Variants in SP4 observed in about 807,000 individuals in gnomAD.
The protein encoded by SP4 is Sp4 transcription factor.
SP4 carries 19 observed loss-of-function variants against 72.8 expected under a neutral mutation model. The ratio of observed to expected loss-of-function variants is 0.26; its 90% CI spans 0.18 to 0.38. SP4 has a LOEUF of 0.38. Ranked by LOEUF, SP4 falls within the 10% of genes least tolerant of loss-of-function variation. The pLI is 1.00. For synonymous variants in SP4, 395 were observed against 333.1 expected, an observed-to-expected ratio of 1.19 and a Z score of -2.02; for missense variants, 1,008 against 926.3, an observed-to-expected ratio of 1.09 and a Z score of -1.14.
chr7:21,429,624 C>A lies in SP4; in HGVS notation c.459C>A (p.Val153=). ...CTTCCACCCCTGGTCAATTTCAAGT[C>A]ATACAAGTACAAAATCCAAGTGGTA... ...GNSSTPGQFQ[V]IQVQNPSGSV... The change falls in exon 3 of 6, where the codon GTC becomes GTA. Residue 153 remains valine, a synonymous_variant. Coordinates refer to ENST00000222584, the MANE Select transcript of SP4 (RefSeq NM_003112.5). 3 of 1,614,062 alleles carry A rather than the reference C, an allele frequency of 1.9e-6. No homozygotes were observed. Among genetic ancestry groups the A allele is most frequent in the South Asian group, 1.1e-5 (1 of 91,068 alleles).
intron 3 of SP4, among the ~76,000 whole-genome samples, chr7:21,474,642 A>G (rs1435214308): frequency 6.6e-6 from 1 of 152,246 alleles, no homozygotes. Flanking sequence ...TGGAAAATCA[A>G]CTTGATCCTC....
rs190196737 is a variant in SP4 at position 21,489,967 on chromosome 7, T to G, written c.2107+7844T>G. 8.9e-3 allele frequency among the ~76,000 whole-genome samples: 1,353 copies of G among 152,296 alleles called. 22 individuals carry two copies. The highest frequency in any genetic ancestry group is 0.03 in the African/African-American group (1,264 of 41,570). ...TGCCCAGCCCCAGAATTTTCTTATA[T>G]AAATGTTTTAATTAGTATGTGAAAC... On this transcript the variant is annotated intron_variant, in intron 5 of 5. Transcript: ENST00000222584.
At chr7:21,451,043 T>G (rs1783579785) in intron 3 of SP4, among the ~76,000 whole-genome samples, 1 of 152,218 alleles carries the variant, frequency 6.6e-6, no homozygotes, top group South Asian at 2.1e-4. Context: ...CTTGCATGAT[T>G]CTTCCCTTGG....
At chr7:21,436,132 CAG>C (rs1165674166) in intron 3 of SP4, among the ~76,000 whole-genome samples, 1 of 152,170 alleles carries the variant, frequency 6.6e-6, no homozygotes, top group Admixed American at 6.5e-5. Flanking sequence ...CTCTTGACCT[CAG>C]GTGATCTCCC....
At position 21,446,703 on chromosome 7, in the gene SP4, A is replaced by G. The variant is rs1783437316; in HGVS notation, c.1678+15860A>G. Among the ~76,000 whole-genome samples, 3 of 152,374 alleles carry G rather than the reference A, an allele frequency of 2.0e-5. No homozygotes were observed. In the South Asian group the frequency reaches 6.2e-4, roughly 32 times the overall value. ...CAGCTTAATTTTATTTCACTGAGCC[A>G]GTGGGAAAGCTCAGGAAAAATACTA... is the stretch of plus-strand genomic sequence containing the variant. On this transcript the variant is annotated intron_variant, in intron 3 of 5. Transcript: ENST00000222584.
chr7:21,495,715 T>C (rs1781688041), intron 5 of SP4, among the ~76,000 whole-genome samples: 1 of 152,198 alleles, frequency 6.6e-6, no homozygotes, highest in Non-Finnish European at 1.5e-5. Context: ...AACATGCAAT[T>C]ACCATATGAT....
chr7:21,496,619 C>G (rs762656218), intron 5 of SP4, among the ~76,000 whole-genome samples: 9 of 152,120 alleles, frequency 5.9e-5, no homozygotes, highest in East Asian at 1.9e-4. Context: ...CGATGTGACT[C>G]TCTGCATTTA....
intron 3 of SP4, among the ~76,000 whole-genome samples, chr7:21,473,355 A>G (rs1191702443): frequency 1.3e-5 from 2 of 152,236 alleles, no homozygotes; most frequent in African/African-American, 2.4e-5. Context: ...AAACAGGGAC[A>G]TTAGCAGAAG....
chr7:21,486,350 A>G (rs75304221), intron 5 of SP4, among the ~76,000 whole-genome samples: 1,707 of 152,242 alleles, frequency 0.011, 26 homozygotes, highest in African/African-American at 0.038. Flanking sequence ...GAGAATTAAG[A>G]AATTAACATT....
chr7:21,477,043 A>G, intron 3 of SP4, 36 bp from the exon 4 acceptor site: 1 of 1,525,310 alleles, frequency 6.6e-7, no homozygotes, highest in Non-Finnish European at 9.0e-7. Context: ...AGGTGTAGAA[A>G]ACATTACAAT....
chr7:21,447,766 C>G (rs1420297524), intron 3 of SP4, among the ~76,000 whole-genome samples: 1 of 152,174 alleles, frequency 6.6e-6, no homozygotes, highest in Non-Finnish European at 1.5e-5. Flanking sequence ...TCACTGCAAC[C>G]TCCACCTCCC....
chr7:21,442,230 G>A (rs1057452704), intron 3 of SP4, among the ~76,000 whole-genome samples: 1 of 151,692 alleles, frequency 6.6e-6, no homozygotes, highest in Non-Finnish European at 1.5e-5. Flanking sequence ...GCAGAGAGGG[G>A]AGTTTCGCCA....
At chr7:21,448,316 A>G (rs1430736038) in intron 3 of SP4, among the ~76,000 whole-genome samples, 1 of 152,228 alleles carries the variant, frequency 6.6e-6, no homozygotes, top group African/African-American at 2.4e-5. Context: ...AAGTACTCTT[A>G]GTAAAGAATT....
In SP4 at chr7:21,430,225, A is replaced by G. The variant is rs1782793284; in HGVS notation, c.1060A>G (p.Ser354Gly). The change falls in exon 3 of 6, where the codon AGT (serine) becomes GGT (glycine). Residue 354 changes from serine to glycine, a missense_variant. By Grantham distance (56) the Ser-to-Gly change is moderately conservative. This residue lies in a region of SP4 where 893 missense variants were observed against 743.3 expected (regional missense o/e 1.20). Coordinates refer to ENST00000222584, the MANE Select transcript of SP4 (RefSeq NM_003112.5). ...TGQYASTSASSSERTIEESQT... is the reference protein window; with the variant it reads ...TGQYASTSASGSERTIEESQT... ...CCAGTATGCAAGCACATCAGCCAGT[A>G]GTTCTGAACGCACCATTGAAGAATC... is the stretch of plus-strand genomic sequence containing the variant. 2 of 1,614,226 alleles carry G rather than the reference A, an allele frequency of 1.2e-6. No homozygotes were observed. The highest frequency in any genetic ancestry group is 1.7e-6 in the Non-Finnish European group (2 of 1,180,032).
rs564015039 is a variant in SP4 at position 21,503,179 on chromosome 7, A to T, written c.2108-7843A>T. ...TGGTGAGCCATGAACTCAAGAGGTG[A>T]AGTTTGAGTTAGAAGTCGTTTTAAC... On this transcript the variant is annotated intron_variant, in intron 5 of 5. Coordinates refer to ENST00000222584, the MANE Select transcript of SP4 (RefSeq NM_003112.5). 2.0e-5 allele frequency among the ~76,000 whole-genome samples: 3 copies of T among 152,234 alleles called. No homozygotes were observed. The South Asian group carries it at 6.2e-4, about 32-fold the overall frequency.
At chr7:21,467,688 T>G (rs1350046415) in intron 3 of SP4, among the ~76,000 whole-genome samples, 1 of 152,198 alleles carries the variant, frequency 6.6e-6, no homozygotes. Context: ...GAGAGGACCT[T>G]AGACATTTTC....
chr7:21,505,908 A>T (rs1781985392), intron 5 of SP4, among the ~76,000 whole-genome samples: 1 of 152,118 alleles, frequency 6.6e-6, no homozygotes, highest in Non-Finnish European at 1.5e-5. Flanking sequence ...TGGTTGTTTT[A>T]GGTTAATCTG....
intron 3 of SP4, among the ~76,000 whole-genome samples, chr7:21,439,932 T>A (rs1233472328): frequency 6.6e-6 from 1 of 152,202 alleles, no homozygotes; most frequent in African/African-American, 2.4e-5. Context: ...TGTAAAATGT[T>A]TAAGACGCAA....
intron 3 of SP4, among the ~76,000 whole-genome samples, chr7:21,446,718 G>GA (rs1417318731): frequency 1.3e-5 from 2 of 152,058 alleles, no homozygotes; most frequent in Non-Finnish European, 2.9e-5. Flanking sequence ...GAAAGCTCAG[G>GA]AAAAATACTA....
Sources: allele counts gnomAD v4.1 joint callset (sites outside exome capture counted in the v4.1 genomes callset), GRCh38; gene constraint gnomAD v4.1.1; regional missense constraint gnomAD v4.1.1; transcripts MANE v1.5; gene names NCBI Gene and HGNC (gene_info 2026-07-23, HGNC 2026-07-21).